Variants in TENT4B observed in about 807,000 individuals in gnomAD.
TENT4B encodes PAP associated domain containing 5.
TENT4B carries 10 observed loss-of-function variants against 75.0 expected under a neutral mutation model. That is an observed-to-expected ratio of 0.13 (90% CI 0.08 to 0.23). The LOEUF (loss-of-function observed/expected upper bound fraction) is 0.23, where lower values mean the gene tolerates loss of function less well. Ranked by LOEUF, TENT4B falls within the 10% of genes least tolerant of loss-of-function variation. The pLI is 1.00. For synonymous variants in TENT4B, 350 were observed against 357.7 expected, an observed-to-expected ratio of 0.98 and a Z score of 0.24; for missense variants, 579 against 893.8, an observed-to-expected ratio of 0.65 and a Z score of 4.49.
intron 1 of TENT4B, among the ~76,000 whole-genome samples, chr16:50,209,143 A>T (rs975530227): frequency 3.3e-5 from 5 of 152,198 alleles, no homozygotes; most frequent in African/African-American, 1.2e-4. Context: ...TTGAGAGTAG[A>T]TGCAGTCACA....
chr16:50,210,376 A>G (rs1463555818), intron 1 of TENT4B, among the ~76,000 whole-genome samples: 1 of 151,512 alleles, frequency 6.6e-6, no homozygotes, highest in African/African-American at 2.4e-5. Context: ...CAGCCCTTGA[A>G]GGCATCCTTA....
At chr16:50,210,070 C>T (rs891348833) in intron 1 of TENT4B, among the ~76,000 whole-genome samples, 5 of 152,138 alleles carry the variant, frequency 3.3e-5, no homozygotes, top group African/African-American at 9.7e-5. Flanking sequence ...CCCTGCCCCT[C>T]CTTCCCCTAA....
intron 1 of TENT4B, among the ~76,000 whole-genome samples, chr16:50,181,035 A>T (rs1437600643): frequency 2.0e-5 from 3 of 152,274 alleles, no homozygotes; most frequent in Non-Finnish European, 4.4e-5. Context: ...GGCCACAGAC[A>T]TTATTGTAAT....
At chr16:50,184,523 C>T (rs1039006501) in intron 1 of TENT4B, among the ~76,000 whole-genome samples, 8 of 152,058 alleles carry the variant, frequency 5.3e-5, no homozygotes, top group Middle Eastern at 3.2e-3. Context: ...AAAAATTAGC[C>T]GGGCGTGGTG....
At chr16:50,152,946 A>G (rs559704335), upstream of TENT4B, 1,239 of 1,504,066 alleles carry the variant, frequency 8.2e-4, 8 homozygotes, top group African/African-American at 0.016. Context: ...GGCGGGCGGC[A>G]ACCTCCATGC....
chr16:50,223,481 G>C, intron 7 of TENT4B, 94 bp downstream of exon 7: 2 of 775,690 alleles, frequency 2.6e-6, no homozygotes, highest in Non-Finnish European at 4.0e-6. Context: ...AAAAATGAAG[G>C]AACAACTTCT....
intron 5 of TENT4B, among the ~76,000 whole-genome samples, chr16:50,221,401 G>T (rs1441129051): frequency 3.9e-5 from 6 of 152,198 alleles, no homozygotes; most frequent in African/African-American, 1.4e-4. Context: ...CACAGCAAAA[G>T]GTGGACTCAT....
chr16:50,227,836 T>TA lies in TENT4B; in HGVS notation c.1801-2dup, dbSNP rs1440144191. ...ACATTATAACTCACGTGACTTGTGT[T>TA]AGGATTCCGATGCAACACCATGCAA... On this transcript the variant is annotated splice_polypyrimidine_tract_variant and splice_region_variant and intron_variant, in intron 10 of 11. Coordinates refer to ENST00000561678, the MANE Select transcript of TENT4B (RefSeq NM_001365324.3). The TA allele has an allele frequency of 6.2e-7, 1 of 1,613,986 alleles. No individual in the cohort carries two copies.
At chr16:50,217,160 A>G (rs2031600547) in intron 4 of TENT4B, among the ~76,000 whole-genome samples, 1 of 152,228 alleles carries the variant, frequency 6.6e-6, no homozygotes, top group Admixed American at 6.5e-5. Context: ...TAAAATTATC[A>G]TTATAACTAT....
intron 1 of TENT4B, among the ~76,000 whole-genome samples, chr16:50,177,421 G>A (rs1208550621): frequency 2.6e-5 from 4 of 152,182 alleles, no homozygotes; most frequent in African/African-American, 9.7e-5. Flanking sequence ...AGATAAAGGT[G>A]CATTGAGATT....
intron 5 of TENT4B, among the ~76,000 whole-genome samples, chr16:50,220,799 G>C (rs2031791712): frequency 6.6e-6 from 1 of 152,126 alleles, no homozygotes; most frequent in Non-Finnish European, 1.5e-5. Context: ...AGAGTGCTGG[G>C]ATTACAGATA....
chr16:50,230,139 T>C lies in TENT4B; in HGVS notation c.*811T>C, dbSNP rs966362985. On this transcript the variant is annotated 3_prime_UTR_variant, in exon 12 of 12. Coordinates refer to ENST00000561678, the MANE Select transcript of TENT4B (RefSeq NM_001365324.3). ...ATTTTGTAAAAAAAAAAAAATGTAC[T>C]ATGTACTTTTGTGTAAACACTGAAA... The C allele has an allele frequency of 7.1e-6, 7 of 982,080 alleles. 1 individual carries two copies. The highest frequency in any genetic ancestry group is 5.2e-4 in the Middle Eastern group (1 of 1,906). 60.8% of individuals were successfully genotyped at this position (982,080 alleles called of 1,614,324 possible). A position where few individuals can be genotyped will look rare whatever the true frequency, so the allele number is the denominator to read the frequency against.
At chr16:50,198,967 G>A (rs906971027) in intron 1 of TENT4B, among the ~76,000 whole-genome samples, 10 of 152,208 alleles carry the variant, frequency 6.6e-5, no homozygotes, top group African/African-American at 2.2e-4. Flanking sequence ...TTACGCAAAG[G>A]TGGTATTTGC....
upstream of TENT4B, chr16:50,153,026 C>T: frequency 1.3e-6 from 2 of 1,514,706 alleles, no homozygotes; most frequent in East Asian, 2.6e-5. Context: ...AGCTCCCGGA[C>T]GCCCAGGTAC....
chr16:50,224,410 G>A (rs1261679758), intron 7 of TENT4B, among the ~76,000 whole-genome samples: 1 of 152,148 alleles, frequency 6.6e-6, no homozygotes, highest in Non-Finnish European at 1.5e-5. Context: ...AACTGTTTAT[G>A]TATGGAATGG....
In TENT4B at chr16:50,223,130, A is replaced by G. The variant is rs1198447294; in HGVS notation, c.1168-44A>G. The G allele has an allele frequency of 2.8e-6, 4 of 1,441,722 alleles. No homozygotes were observed. The South Asian group carries it at 3.7e-5, about 14-fold the overall frequency. 89.3% of individuals were successfully genotyped at this position (1,441,722 alleles called of 1,614,324 possible). On this transcript the variant is annotated intron_variant, in intron 6 of 11. Transcript: ENST00000561678. ...ATAATTTATTCCCCCTCTCCTTGATAATTTAGCAAAAATCCAATATAATTT... is the reference window on the plus strand; with the variant it reads ...ATAATTTATTCCCCCTCTCCTTGATGATTTAGCAAAAATCCAATATAATTT...
chr16:50,229,746 A>G lies in TENT4B; in HGVS notation c.*418A>G. ...AGGAAAACAAAGGTATCTGATAGGA[A>G]GTCCAGATTCCAAAGGGGAAAGTGA... is the stretch of plus-strand genomic sequence containing the variant. On this transcript the variant is annotated 3_prime_UTR_variant, in exon 12 of 12. Transcript: ENST00000561678. The G allele has an allele frequency of 1.0e-6, 1 of 987,722 alleles. No homozygotes were observed. The highest frequency in any genetic ancestry group is 4.7e-5 in the South Asian group (1 of 21,300). 61.2% of individuals were successfully genotyped at this position (987,722 alleles called of 1,614,324 possible).
chr16:50,231,871 ACTC>A lies in TENT4B; in HGVS notation c.*2546_*2548del. The A allele has an allele frequency of 1.0e-6, 1 of 982,428 alleles. No homozygotes were observed. Among genetic ancestry groups the A allele is most frequent in the Non-Finnish European group, 1.2e-6 (1 of 827,284 alleles). 60.9% of individuals were successfully genotyped at this position (982,428 alleles called of 1,614,324 possible). A position where few individuals can be genotyped will look rare whatever the true frequency, so the allele number is the denominator to read the frequency against. Reference sequence around the variant, plus strand: ...TTGTTTTATACATTTCATCTATTTGACTCCTATCTTATTTCTTTTTTGAGTTTT... The same window carrying A: ...TTGTTTTATACATTTCATCTATTTGACTATCTTATTTCTTTTTTGAGTTTT... On this transcript the variant is annotated 3_prime_UTR_variant, in exon 12 of 12. Coordinates refer to ENST00000561678, the MANE Select transcript of TENT4B (RefSeq NM_001365324.3).
At chr16:50,204,099 T>C (rs1457213199) in intron 1 of TENT4B, among the ~76,000 whole-genome samples, 1 of 151,980 alleles carries the variant, frequency 6.6e-6, no homozygotes, top group Non-Finnish European at 1.5e-5. Context: ...GCTAGAAAGG[T>C]AGGCAGTGTT....
Sources: gnomAD v4.1 joint callset for allele counts (sites outside exome capture counted in the v4.1 genomes callset) on GRCh38, gnomAD v4.1.1 for gene constraint, MANE v1.5 for transcripts, NCBI Gene and HGNC (gene_info 2026-07-23, HGNC 2026-07-21) for gene names.